Variants in SLC60A1 observed in about 807,000 individuals in gnomAD.
SLC60A1 encodes the protein major facilitator superfamily domain containing 4.
At chr1:205,593,550 C>A in the SLC60A1 span, among the ~76,000 whole-genome samples, 7 of 151,672 alleles carry the variant, frequency 4.6e-5, no homozygotes, top group Non-Finnish European at 1.0e-4. Context: ...CTTCACCCAG[C>A]AGTTATCCAC....
At chr1:205,591,474 C>T in the SLC60A1 span, among the ~76,000 whole-genome samples, 1 of 128,424 alleles carries the variant, frequency 7.8e-6, no homozygotes, top group Non-Finnish European at 1.6e-5. Flanking sequence ...AGAGTGAGAC[C>T]CTGTCTCTCA....
the SLC60A1 span, among the ~76,000 whole-genome samples, chr1:205,572,590 C>G: frequency 6.6e-6 from 1 of 152,150 alleles, no homozygotes; most frequent in East Asian, 1.9e-4. Context: ...GCCCAGGCCA[C>G]CCCTAGATAT....
chr1:205,569,405 T>A, the SLC60A1 span: 2 of 759,016 alleles, frequency 2.6e-6, no homozygotes, highest in Non-Finnish European at 3.4e-6. Context: ...CCCGGCCCCG[T>A]GGGGCTGCCC....
the SLC60A1 span, chr1:205,586,283 C>T: frequency 1.2e-5 from 19 of 1,540,188 alleles, no homozygotes; most frequent in South Asian, 4.6e-5. Context: ...TACCCCAGGA[C>T]GTTTGCCCAG....
the SLC60A1 span, chr1:205,584,730 T>G: frequency 2.8e-6 from 2 of 710,266 alleles, no homozygotes; most frequent in Non-Finnish European, 5.0e-6. Context: ...ACAGGGGTTA[T>G]TCCTAACAGA....
At chr1:205,575,520 C>T in the SLC60A1 span, among the ~76,000 whole-genome samples, 1 of 152,190 alleles carries the variant, frequency 6.6e-6, no homozygotes, top group African/African-American at 2.4e-5. Context: ...ACTATTCCCT[C>T]CTCTTTTCAC....
chr1:205,602,170 A>C, the SLC60A1 span: 10 of 152,466 alleles, frequency 6.6e-5, no homozygotes, highest in Middle Eastern at 3.4e-3. Context: ...CTATGTATAT[A>C]CAAATGTACA....
chr1:205,592,187 C>T, the SLC60A1 span: 28 of 1,614,068 alleles, frequency 1.7e-5, no homozygotes, highest in Non-Finnish European at 2.3e-5. Flanking sequence ...TCTCCTACAA[C>T]GTCGTCTTCC....
At chr1:205,577,744 T>G in the SLC60A1 span, among the ~76,000 whole-genome samples, 1 of 152,136 alleles carries the variant, frequency 6.6e-6, no homozygotes, top group Non-Finnish European at 1.5e-5. This position sits in a 1 kb window ranked among gnomAD's most constrained non-coding sequence, Gnocchi z 5.2. Context: ...CACCCACATG[T>G]GCACGCACAC....
chr1:205,588,918 C>G, the SLC60A1 span, among the ~76,000 whole-genome samples: 28 of 152,138 alleles, frequency 1.8e-4, no homozygotes, highest in African/African-American at 6.3e-4. Context: ...AGGGTGTAGG[C>G]AGTGGGGATG....
At chr1:205,594,785 C>A in the SLC60A1 span, among the ~76,000 whole-genome samples, 5 of 152,078 alleles carry the variant, frequency 3.3e-5, no homozygotes, top group Non-Finnish European at 7.3e-5. Flanking sequence ...TTAATGGTAC[C>A]CAGGTTTTTC....
chr1:205,585,207 TTTTTATTTTTG>T, the SLC60A1 span, among the ~76,000 whole-genome samples: 349 of 152,240 alleles, frequency 2.3e-3, 12 homozygotes, highest in East Asian at 0.062. The surrounding 1 kb of genome is among the most constrained non-coding windows in gnomAD (Gnocchi z 4.2). Flanking sequence ...GGCCAATTGT[TTTTTATTTTTG>T]TTTTATTTTT....
the SLC60A1 span, among the ~76,000 whole-genome samples, chr1:205,585,686 C>CT: frequency 1.7e-4 from 24 of 143,980 alleles, no homozygotes; most frequent in Admixed American, 4.1e-4. The surrounding 1 kb of genome is among the most constrained non-coding windows in gnomAD (Gnocchi z 4.2). Flanking sequence ...TTGCACACAC[C>CT]TTTTTTTTTT....
At chr1:205,581,292 T>A in the SLC60A1 span, among the ~76,000 whole-genome samples, 35 of 152,306 alleles carry the variant, frequency 2.3e-4, no homozygotes, top group African/African-American at 8.2e-4. This position sits in a 1 kb window ranked among gnomAD's most constrained non-coding sequence, Gnocchi z 4.2. Flanking sequence ...GGTCCCTTCA[T>A]CAATGGTGGG....
the SLC60A1 span, chr1:205,601,024 T>C: frequency 6.6e-6 from 1 of 152,352 alleles, no homozygotes; most frequent in Non-Finnish European, 1.5e-5. Context: ...TCTTGCTCTC[T>C]TTGGTATACT....
At chr1:205,582,665 C>T in the SLC60A1 span, among the ~76,000 whole-genome samples, 20 of 152,310 alleles carry the variant, frequency 1.3e-4, 1 homozygote, top group Middle Eastern at 3.4e-3. Flanking sequence ...CTGTTTCCCC[C>T]CTCACACTGG....
At chr1:205,593,416 A>AAATCCCGCCACT in the SLC60A1 span, among the ~76,000 whole-genome samples, 2 of 74,728 alleles carry the variant, frequency 2.7e-5, no homozygotes, top group Admixed American at 1.4e-4. Flanking sequence ...GCTTGCAGTG[A>AAATCCCGCCACT]GCACTCCAGC....
chr1:205,593,703 A>G, the SLC60A1 span, among the ~76,000 whole-genome samples: 4 of 152,126 alleles, frequency 2.6e-5, no homozygotes, highest in Non-Finnish European at 5.9e-5. Context: ...TTTTTATTAT[A>G]TAAGTCGTAT....
At chr1:205,590,821 C>T in the SLC60A1 span, among the ~76,000 whole-genome samples, 2 of 152,124 alleles carry the variant, frequency 1.3e-5, no homozygotes, top group Admixed American at 6.5e-5. Flanking sequence ...TCTCCTGAGA[C>T]GTCTAAGAAA....
Sources: gnomAD v4.1 joint callset for allele counts (sites outside exome capture counted in the v4.1 genomes callset) on GRCh38, gnomAD v4.1.1 for gene constraint, Gnocchi (gnomAD v3.1) non-coding constraint, MANE v1.5 for transcripts, NCBI Gene and HGNC (gene_info 2026-07-23, HGNC 2026-07-21) for gene names.